ZSWIM6: variants seen among roughly 807,000 people sequenced by gnomAD.
ZSWIM6 encodes zinc finger SWIM-type containing 6.
In ZSWIM6, 9 loss-of-function variants were observed where a neutral mutation model predicts 113.2. That is an observed-to-expected ratio of 0.08 (90% confidence interval 0.05 to 0.14). The LOEUF (loss-of-function observed/expected upper bound fraction) is 0.14. Among genes scored for constraint, ZSWIM6 ranks in the 10% least tolerant of loss-of-function variants. The probability of loss-of-function intolerance (pLI) is 1.00; values close to 1 mark genes in which losing one functional copy is unlikely to be tolerated. For synonymous variants in ZSWIM6, 611 were observed against 606.5 expected, an observed-to-expected ratio of 1.01 and a Z score of -0.11; for missense variants, 1,162 against 1,552.2, an observed-to-expected ratio of 0.75 and a Z score of 4.22.
intron 1 of ZSWIM6, among the ~76,000 whole-genome samples, chr5:61,340,927 G>C: frequency 6.6e-6 from 1 of 152,312 alleles, no homozygotes; most frequent in Middle Eastern, 3.4e-3. Context: ...TTTGGAAATC[G>C]TAGTAATGTT....
chr5:61,527,776 T>TA lies in ZSWIM6; in HGVS notation c.1837+1388dup, dbSNP rs905014279. 6.6e-5 allele frequency among the ~76,000 whole-genome samples: 10 copies of TA among 152,126 alleles called. No homozygotes were observed. The East Asian group carries it at 9.6e-4, about 15-fold the overall frequency. On this transcript the variant is annotated intron_variant, in intron 7 of 13. Coordinates refer to ENST00000252744, the MANE Select transcript of ZSWIM6 (RefSeq NM_020928.2). ...CAGTTCGTGATGATCATCTGATTTTTAAAAAAAATCATATTATACATTTTA... is the reference window on the plus strand; with the variant it reads ...CAGTTCGTGATGATCATCTGATTTTTAAAAAAAAATCATATTATACATTTTA...
chr5:61,479,451 CTT>C (rs1157831376), intron 2 of ZSWIM6, among the ~76,000 whole-genome samples: 1 of 152,140 alleles, frequency 6.6e-6, no homozygotes, highest in Non-Finnish European at 1.5e-5. Context: ...CCCTCACACT[CTT>C]TGGTCATCTC....
At position 61,332,416 on chromosome 5, in the gene ZSWIM6, G is replaced by A. The variant is rs1320339806; in HGVS notation, c.144G>A (p.Ala48=). 2 of 996,988 alleles carry A rather than the reference G, an allele frequency of 2.0e-6. No homozygotes were observed. Among genetic ancestry groups the A allele is most frequent in the Non-Finnish European group, 2.4e-6 (2 of 840,302 alleles). The allele number at this position is 996,988 out of a possible 1,614,324, so 61.8% of individuals were successfully genotyped here. ...YSSACRPGPR[A]GGAAAAAACG... ...CTGCCTGTCGGCCAGGCCCGCGGGC[G>A]GGTGGCGCGGCGGCGGCGGCGGCGT... is the stretch of plus-strand genomic sequence containing the variant. The change falls in exon 1 of 14, where the codon GCG becomes GCA. Residue 48 remains alanine, a synonymous_variant. Transcript: ENST00000252744.
chr5:61,411,114 T>A (rs1292700602), intron 1 of ZSWIM6, among the ~76,000 whole-genome samples: 1 of 152,098 alleles, frequency 6.6e-6, no homozygotes, highest in East Asian at 1.9e-4. Context: ...CGCTGGGAGG[T>A]CCTGTGCTCT....
At chr5:61,463,785 T>C (rs1343645744) in intron 1 of ZSWIM6, among the ~76,000 whole-genome samples, 3 of 152,164 alleles carry the variant, frequency 2.0e-5, no homozygotes, top group Non-Finnish European at 4.4e-5. Flanking sequence ...TAGTTATTTG[T>C]GACTTTTACA....
intron 1 of ZSWIM6, among the ~76,000 whole-genome samples, chr5:61,378,904 G>A (rs1013854812): frequency 6.6e-6 from 1 of 152,036 alleles, no homozygotes. Context: ...ATTGGGCTGG[G>A]CACGATGGCT....
At chr5:61,484,757 C>T (rs924719886) in intron 2 of ZSWIM6, among the ~76,000 whole-genome samples, 4 of 152,158 alleles carry the variant, frequency 2.6e-5, no homozygotes, top group Admixed American at 6.5e-5. Flanking sequence ...CAGTACCCTT[C>T]CTTAAATATT....
At chr5:61,421,871 A>C (rs1023366656) in intron 1 of ZSWIM6, among the ~76,000 whole-genome samples, 3 of 152,218 alleles carry the variant, frequency 2.0e-5, no homozygotes, top group Non-Finnish European at 1.5e-5. Context: ...TTCTTTAGCC[A>C]GTATGTCATC....
chr5:61,340,190 A>G (rs180996995), intron 1 of ZSWIM6, among the ~76,000 whole-genome samples: 1 of 152,300 alleles, frequency 6.6e-6, no homozygotes, highest in Admixed American at 6.5e-5. Flanking sequence ...TTCAGAGACA[A>G]TACGGTGCAA....
chr5:61,405,859 A>G (rs1249811208), intron 1 of ZSWIM6, among the ~76,000 whole-genome samples: 1 of 152,260 alleles, frequency 6.6e-6, no homozygotes, highest in East Asian at 1.9e-4. Context: ...TGGAAGATTA[A>G]AGTCTTTTAT....
chr5:61,494,419 G>C lies in ZSWIM6; in HGVS notation c.1333+9G>C, dbSNP rs1330706346. On this transcript the variant is annotated intron_variant, in intron 4 of 13. Transcript: ENST00000252744. ...GCTCTGGGATGAGCTGGGTAAGCAT[G>C]TTTCCTCACAAATTACCATTGATTT... is the stretch of plus-strand genomic sequence containing the variant. The C allele has an allele frequency of 6.4e-7, 1 of 1,550,474 alleles. No individual in the cohort carries two copies. Among genetic ancestry groups the C allele is most frequent in the Non-Finnish European group, 8.7e-7 (1 of 1,146,342 alleles).
chr5:61,409,622 A>G (rs1417882559), intron 1 of ZSWIM6, among the ~76,000 whole-genome samples: 1 of 152,182 alleles, frequency 6.6e-6, no homozygotes, highest in Non-Finnish European at 1.5e-5. Context: ...TTTTAAAAAC[A>G]TTTGTATTTC....
intron 1 of ZSWIM6, among the ~76,000 whole-genome samples, chr5:61,370,515 T>C (rs1745243401): frequency 1.3e-5 from 2 of 152,282 alleles, no homozygotes; most frequent in Admixed American, 6.5e-5. Context: ...TAAACATAAA[T>C]AATTCAGTGG....
intron 2 of ZSWIM6, among the ~76,000 whole-genome samples, chr5:61,478,922 G>A (rs887713940): frequency 6.6e-6 from 1 of 152,082 alleles, no homozygotes; most frequent in Non-Finnish European, 1.5e-5. Flanking sequence ...TGTAATCTTG[G>A]GACTTTGGGA....
intron 1 of ZSWIM6, among the ~76,000 whole-genome samples, chr5:61,357,880 T>A (rs1409571683): frequency 1.3e-5 from 2 of 152,056 alleles, no homozygotes; most frequent in Non-Finnish European, 2.9e-5. Flanking sequence ...AAAAAAAAAA[T>A]TTCCTGTTTA....
chr5:61,334,215 C>A (rs1019054465), intron 1 of ZSWIM6, among the ~76,000 whole-genome samples: 8 of 152,152 alleles, frequency 5.3e-5, no homozygotes, highest in African/African-American at 1.9e-4. Flanking sequence ...GTCTCCTGTT[C>A]CCCCTCCCCT....
Position 61,332,416 on chromosome 5 carries a change from G to C in ZSWIM6, c.144G>C (p.Ala48=). The C allele has an allele frequency of 3.0e-6, 3 of 997,054 alleles. No individual in the cohort carries two copies. Among genetic ancestry groups the C allele is most frequent in the Non-Finnish European group, 3.6e-6 (3 of 840,288 alleles). 61.8% of individuals were successfully genotyped at this position (997,054 alleles called of 1,614,324 possible). A position where few individuals can be genotyped will look rare whatever the true frequency, so the allele number is the denominator to read the frequency against. ...YSSACRPGPR[A]GGAAAAAACG... Reference sequence around the variant, plus strand: ...CTGCCTGTCGGCCAGGCCCGCGGGCGGGTGGCGCGGCGGCGGCGGCGGCGT... The same window carrying C: ...CTGCCTGTCGGCCAGGCCCGCGGGCCGGTGGCGCGGCGGCGGCGGCGGCGT... The change falls in exon 1 of 14, where the codon GCG becomes GCC. Residue 48 remains alanine, a synonymous_variant. Coordinates refer to ENST00000252744, the MANE Select transcript of ZSWIM6 (RefSeq NM_020928.2).
chr5:61,519,450 A>G lies in ZSWIM6; in HGVS notation c.1334-1813A>G, dbSNP rs929753865. Among the ~76,000 whole-genome samples, 7 of 152,252 alleles carry G rather than the reference A, an allele frequency of 4.6e-5. 1 individual carries two copies. The highest frequency in any genetic ancestry group is 6.5e-5 in the Admixed American group (1 of 15,280). ...GAGAAAAAAAAGAAGGGGAAACATAATGGCAAGTCACCCCCATCAGGATTG... is the reference window on the plus strand; with the variant it reads ...GAGAAAAAAAAGAAGGGGAAACATAGTGGCAAGTCACCCCCATCAGGATTG... On this transcript the variant is annotated intron_variant, in intron 4 of 13. Transcript: ENST00000252744.
At chr5:61,402,950 TCAAA>T (rs1009967858) in intron 1 of ZSWIM6, among the ~76,000 whole-genome samples, 10 of 152,194 alleles carry the variant, frequency 6.6e-5, no homozygotes, top group African/African-American at 1.4e-4. Flanking sequence ...CATGAACAAA[TCAAA>T]CAAAAATCTC....
Sources: gnomAD v4.1 joint callset for allele counts (sites outside exome capture counted in the v4.1 genomes callset) on GRCh38, gnomAD v4.1.1 for gene constraint, MANE v1.5 for transcripts, NCBI Gene and HGNC (gene_info 2026-07-23, HGNC 2026-07-21) for gene names.